The following PARD3 variants were observed in gnomAD, a reference collection of about 807,000 sequenced individuals.
PARD3 encodes the protein partitioning defective 3 homolog.
In PARD3, 75 loss-of-function variants were observed where a neutral mutation model predicts 155.4. The ratio of observed to expected loss-of-function variants is 0.48; its 90% CI spans 0.40 to 0.58. PARD3 has a LOEUF of 0.58. PARD3 is among the 20% of genes least tolerant of loss of function. The pLI is 0.00. For missense variants in PARD3, 1,642 were observed against 1,721.7 expected, an observed-to-expected ratio of 0.95 and a Z score of 0.82; for synonymous variants, 576 against 610.5, an observed-to-expected ratio of 0.94 and a Z score of 0.83.
chr10:34,813,079 G>T (rs2134445311), intron 1 of PARD3, among the ~76,000 whole-genome samples: 1 of 152,310 alleles, frequency 6.6e-6, no homozygotes, highest in African/African-American at 2.4e-5. Flanking sequence ...CAGTGCCATG[G>T]ACACAGTCAA....
chr10:34,606,078 A>T (rs2090393552), intron 2 of PARD3, among the ~76,000 whole-genome samples: 1 of 146,378 alleles, frequency 6.8e-6, no homozygotes, highest in Non-Finnish European at 1.5e-5. Flanking sequence ...ACTCCCCTTT[A>T]TATAGATATA....
At chr10:34,621,725 A>G (rs1315674879) in intron 2 of PARD3, among the ~76,000 whole-genome samples, 1 of 152,236 alleles carries the variant, frequency 6.6e-6, no homozygotes, top group Non-Finnish European at 1.5e-5. Context: ...ACAAGTTTTT[A>G]TAACAAACTA....
chr10:34,586,876 G>A (rs1185651297), intron 2 of PARD3, among the ~76,000 whole-genome samples: 1 of 152,002 alleles, frequency 6.6e-6, no homozygotes, highest in Non-Finnish European at 1.5e-5. Context: ...TTGAACCCAG[G>A]AGGCAGAGGT....
intron 2 of PARD3, among the ~76,000 whole-genome samples, chr10:34,593,125 C>T (rs576587823): frequency 5.3e-5 from 8 of 152,010 alleles, no homozygotes; most frequent in Admixed American, 1.3e-4. Flanking sequence ...TGTTACAGAG[C>T]AGAGCTAGAT....
At chr10:34,680,351 G>C (rs954247328) in intron 2 of PARD3, among the ~76,000 whole-genome samples, 2 of 152,038 alleles carry the variant, frequency 1.3e-5, no homozygotes, top group Non-Finnish European at 1.5e-5. Flanking sequence ...TTGAGGTCAG[G>C]AGTTCGAGAC....
Position 34,756,325 on chromosome 10 carries a change from TTG to T in PARD3, c.120+58549_120+58550del, listed in dbSNP as rs1378644207. 4.6e-5 allele frequency among the ~76,000 whole-genome samples: 7 copies of T among 151,314 alleles called. No individual in the cohort carries two copies. In the South Asian group the frequency reaches 1.3e-3, roughly 27 times the overall value. On this transcript the variant is annotated intron_variant, in intron 1 of 24. Transcript: ENST00000374788. Reference sequence around the variant, plus strand: ...CCCGCCACCACACCTGGCTAATTTTTTGTGTTTTTAGTAGAGACGGGGTTTCA... The same window carrying T: ...CCCGCCACCACACCTGGCTAATTTTTTGTTTTTAGTAGAGACGGGGTTTCA...
intron 2 of PARD3, among the ~76,000 whole-genome samples, chr10:34,599,013 G>A (rs754114002): frequency 2.6e-5 from 4 of 151,868 alleles, no homozygotes; most frequent in Non-Finnish European, 4.4e-5. Flanking sequence ...ATATCCCTGC[G>A]CCTTCCCCTG....
chr10:34,531,344 T>C (rs2082839380), intron 2 of PARD3, among the ~76,000 whole-genome samples: 1 of 152,234 alleles, frequency 6.6e-6, no homozygotes, highest in Admixed American at 6.5e-5. Context: ...ATACTTCTGT[T>C]AGCTGAACAT....
intron 1 of PARD3, among the ~76,000 whole-genome samples, chr10:34,747,341 C>T (rs1309505466): frequency 2.6e-5 from 4 of 152,224 alleles, no homozygotes; most frequent in Admixed American, 6.5e-5. Flanking sequence ...GGTGGCAATT[C>T]GTTTTCCATG....
At chr10:34,708,336 T>A (rs184611100) in intron 1 of PARD3, among the ~76,000 whole-genome samples, 79 of 151,116 alleles carry the variant, frequency 5.2e-4, no homozygotes, top group Admixed American at 1.2e-3. Flanking sequence ...GGATACTGCA[T>A]CTGGAAAGAA....
At chr10:34,616,498 T>C (rs572405591) in intron 2 of PARD3, among the ~76,000 whole-genome samples, 2 of 152,262 alleles carry the variant, frequency 1.3e-5, no homozygotes, top group East Asian at 1.9e-4. Context: ...CAGCAACTGA[T>C]GAACAGGTAA....
chr10:34,712,820 GCTCA>G (rs1199795650), intron 1 of PARD3, among the ~76,000 whole-genome samples: 3 of 151,998 alleles, frequency 2.0e-5, no homozygotes, highest in African/African-American at 7.3e-5. Context: ...TGGGTACTAT[GCTCA>G]CTACCTGGGT....
In PARD3 at chr10:34,309,394, A is replaced by G. The variant is rs375619807; in HGVS notation, c.3065+7713T>C. 4.6e-5 allele frequency among the ~76,000 whole-genome samples: 7 copies of G among 151,890 alleles called. No individual in the cohort carries two copies. The South Asian group carries it at 1.5e-3, about 32-fold the overall frequency. ...GTCAACAAAGTGAGATCCCACCTCTATATAAAATTTAAAAAGTAGTAGGCA... is the reference window on the plus strand; with the variant it reads ...GTCAACAAAGTGAGATCCCACCTCTGTATAAAATTTAAAAAGTAGTAGGCA... On this transcript the variant is annotated intron_variant, in intron 20 of 24. Coordinates refer to ENST00000374788, the MANE Select transcript of PARD3 (RefSeq NM_001184785.2).
At chr10:34,689,538 T>C (rs1424562799) in intron 2 of PARD3, among the ~76,000 whole-genome samples, 1 of 152,226 alleles carries the variant, frequency 6.6e-6, no homozygotes, top group South Asian at 2.1e-4. Flanking sequence ...TAAGGTGCTC[T>C]AGCATTTTTC....
intron 24 of PARD3, among the ~76,000 whole-genome samples, chr10:34,112,810 T>C (rs191980254): frequency 9.5e-4 from 145 of 152,336 alleles, no homozygotes; most frequent in African/African-American, 3.2e-3. Flanking sequence ...GTTGGGAACA[T>C]TTTCAGTAAA....
At chr10:34,170,301 G>A (rs978919860) in intron 22 of PARD3, among the ~76,000 whole-genome samples, 23 of 152,100 alleles carry the variant, frequency 1.5e-4, no homozygotes, top group African/African-American at 5.1e-4. Flanking sequence ...TGCCCAGGCT[G>A]GTCTAGAACT....
chr10:34,165,814 G>T (rs1157602695), intron 22 of PARD3, among the ~76,000 whole-genome samples: 7 of 152,088 alleles, frequency 4.6e-5, no homozygotes, highest in African/African-American at 1.7e-4. Context: ...TCATTGGCTG[G>T]TATATCCCAT....
At chr10:34,588,093 G>A (rs1302827581) in intron 2 of PARD3, among the ~76,000 whole-genome samples, 1 of 152,162 alleles carries the variant, frequency 6.6e-6, no homozygotes, top group Non-Finnish European at 1.5e-5. Context: ...TTCATATGAG[G>A]GAAATGCCAG....
chr10:34,447,181 T>C (rs557454972), intron 5 of PARD3, among the ~76,000 whole-genome samples: 6 of 152,134 alleles, frequency 3.9e-5, no homozygotes, highest in Admixed American at 2.0e-4. Flanking sequence ...GGATGGCTGT[T>C]ATCAAAACAT....
Sources: gnomAD v4.1 joint callset for allele counts (sites outside exome capture counted in the v4.1 genomes callset) on GRCh38, gnomAD v4.1.1 for gene constraint, MANE v1.5 for transcripts, NCBI Gene and HGNC (gene_info 2026-07-23, HGNC 2026-07-21) for gene names.